TRPM5: variants seen among roughly 807,000 people sequenced by gnomAD.
TRPM5 encodes transient receptor potential cation channel subfamily M member 5.
Under a neutral mutation model 124.9 loss-of-function variants are expected in TRPM5, and 121 were observed. The observed-to-expected ratio is 0.97, with a 90% confidence interval of 0.84 to 1.13. The LOEUF (loss-of-function observed/expected upper bound fraction) is 1.13. TRPM5 is among the 50% of genes most tolerant of loss of function. The probability of loss-of-function intolerance (pLI) is 0.00; values close to 1 mark genes in which losing one functional copy is unlikely to be tolerated. For missense variants in TRPM5, 1,643 were observed against 1,589.1 expected, an observed-to-expected ratio of 1.03 and a Z score of -0.58; for synonymous variants, 781 against 700.5, an observed-to-expected ratio of 1.11 and a Z score of -1.81.
At chr11:2,414,383 C>T (rs1308432369) in intron 11 of TRPM5, among the ~76,000 whole-genome samples, 177 bp from the exon 17 acceptor site, 1 of 152,204 alleles carries the variant, frequency 6.6e-6, no homozygotes, top group African/African-American at 2.4e-5. Flanking sequence ...TCCTGAACCT[C>T]CGTCCTTCTC....
chr11:2,409,139 C>T (rs553956576), intron 18 of TRPM5, among the ~76,000 whole-genome samples: 23 of 152,216 alleles, frequency 1.5e-4, no homozygotes, highest in South Asian at 8.3e-4. Flanking sequence ...CGCGTTGGCC[C>T]GTGTGTGAGT....
At chr11:2,426,827 T>C (rs758738971), upstream of TRPM5, among the ~76,000 whole-genome samples, 1 of 152,186 alleles carries the variant, frequency 6.6e-6, no homozygotes, top group Non-Finnish European at 1.5e-5. Context: ...GTCAGCTGTG[T>C]GTCCTTGTGT....
chr11:2,411,863 C>T, intron 16 of TRPM5, 96 bp from the exon 22 acceptor site: 1 of 1,508,078 alleles, frequency 6.6e-7, no homozygotes, highest in Non-Finnish European at 9.0e-7. Flanking sequence ...AGGGCCAGGG[C>T]CAGGCCAGGA....
exon 24 of TRPM5, chr11:2,404,889 G>C: frequency 6.6e-7 from 1 of 1,511,402 alleles, no homozygotes; most frequent in Non-Finnish European, 9.2e-7. Flanking sequence ...CAACGTGCAG[G>C]GTGGCCAGCT....
chr11:2,407,445 C>T (rs3815062), intron 19 of TRPM5, 145 bp from the exon 25 acceptor site: 138,783 of 813,960 alleles, frequency 0.17, 13,568 homozygotes, highest in East Asian at 0.32. Flanking sequence ...GGGTGTGTCA[C>T]GAGGGGTCCA....
intron 18 of TRPM5, among the ~76,000 whole-genome samples, chr11:2,408,472 C>A (rs1052131567): frequency 2.6e-5 from 4 of 152,238 alleles, no homozygotes; most frequent in Non-Finnish European, 4.4e-5. Context: ...AGGCTCCAGA[C>A]TGGGCTTGCT....
intron 18 of TRPM5, among the ~76,000 whole-genome samples, chr11:2,410,023 C>T (rs888957836): frequency 1.2e-4 from 18 of 152,246 alleles, no homozygotes; most frequent in Admixed American, 1.3e-4. Flanking sequence ...GCTGGAGGCG[C>T]CCGTCTAGAG....
chr11:2,436,259 C>T, the TRPM5 span, among the ~76,000 whole-genome samples: 3 of 152,254 alleles, frequency 2.0e-5, no homozygotes, highest in African/African-American at 7.2e-5. Flanking sequence ...ACTCTCAGCT[C>T]GGGGCCAGCT....
At chr11:2,440,963 C>T in the TRPM5 span, among the ~76,000 whole-genome samples, 1 of 152,220 alleles carries the variant, frequency 6.6e-6, no homozygotes, top group Non-Finnish European at 1.5e-5. The surrounding 1 kb of genome is among the most constrained non-coding windows in gnomAD (Gnocchi z 5.2). Context: ...CACTGTGGGC[C>T]TCTGACCCTG....
At chr11:2,404,848 G>T (rs1850280561) in exon 24 of TRPM5, 2 of 1,129,754 alleles carry the variant, frequency 1.8e-6, no homozygotes, top group South Asian at 1.4e-5. Flanking sequence ...CCCCTGGGGG[G>T]TTCCGCTGGA....
At chr11:2,425,555 G>A (rs1032543866), upstream of TRPM5, among the ~76,000 whole-genome samples, 1 of 151,580 alleles carries the variant, frequency 6.6e-6, no homozygotes, top group South Asian at 2.1e-4. Flanking sequence ...CATTAGTGTC[G>A]CCCCATCTGG....
At chr11:2,425,581 T>C (rs1845834004), upstream of TRPM5, among the ~76,000 whole-genome samples, 1 of 150,838 alleles carries the variant, frequency 6.6e-6, no homozygotes, top group South Asian at 2.2e-4. Context: ...CACCACTTAA[T>C]GCAGAACAGG....
chr11:2,420,308 G>T, exon 4 of TRPM5: 1 of 1,612,690 alleles, frequency 6.2e-7, no homozygotes, highest in Non-Finnish European at 8.5e-7. Context: ...CGGGGGGCCT[G>T]GCTCCACCAG....
intron 7 of TRPM5, among the ~76,000 whole-genome samples, chr11:2,416,343 G>T (rs1044606288): frequency 1.3e-5 from 2 of 152,236 alleles, no homozygotes; most frequent in Admixed American, 6.5e-5. Flanking sequence ...GAAGGTCCAG[G>T]ACACCCTTCC....
the TRPM5 span, among the ~76,000 whole-genome samples, chr11:2,436,061 G>A: frequency 1.3e-5 from 2 of 152,208 alleles, no homozygotes; most frequent in African/African-American, 2.4e-5. Flanking sequence ...CTCACCTTCC[G>A]CTCCCCTGAC....
At chr11:2,404,582 G>A (rs1850274606) in exon 24 of TRPM5, 2 of 257,188 alleles carry the variant, frequency 7.8e-6, no homozygotes, top group Non-Finnish European at 1.5e-5. Context: ...AGACCCCAGA[G>A]CAGCTTCGCA....
chr11:2,405,620 G>A (rs926943376), intron 22 of TRPM5, 27 bp from the exon 28 acceptor site: 7 of 1,551,986 alleles, frequency 4.5e-6, no homozygotes, highest in Middle Eastern at 1.7e-4. Context: ...CGTCCGGGAA[G>A]CTCCAGGGCT....
exon 19 of TRPM5, chr11:2,407,796 T>C: frequency 6.2e-7 from 1 of 1,613,846 alleles, no homozygotes; most frequent in Non-Finnish European, 8.5e-7. Context: ...AGCAGCACAT[T>C]GGTGACCAAC....
chr11:2,405,446 C>G, intron 23 of TRPM5, 81 bp downstream of exon 28: 4 of 1,409,638 alleles, frequency 2.8e-6, no homozygotes, highest in Non-Finnish European at 2.9e-6. Context: ...GCAGAGCACA[C>G]AGCACAGCCT....
Sources: allele counts gnomAD v4.1 joint callset (sites outside exome capture counted in the v4.1 genomes callset), GRCh38; gene constraint gnomAD v4.1.1; non-coding constraint Gnocchi (gnomAD v3.1); transcripts MANE v1.5; gene names NCBI Gene and HGNC (gene_info 2026-07-23, HGNC 2026-07-21).